Variants in ADAM22 observed in about 807,000 individuals in gnomAD.
The protein encoded by ADAM22 is ADAM metallopeptidase domain 22.
Under a neutral mutation model 144.6 loss-of-function variants are expected in ADAM22, and 65 were observed. That is an observed-to-expected ratio of 0.45 (90% confidence interval 0.37 to 0.55). The LOEUF is 0.55. Ranked by LOEUF, ADAM22 falls within the 20% of genes least tolerant of loss-of-function variation. The pLI is 0.00. For missense variants in ADAM22, 974 were observed against 1,184.9 expected, an observed-to-expected ratio of 0.82 and a Z score of 2.61; for synonymous variants, 391 against 412.6, an observed-to-expected ratio of 0.95 and a Z score of 0.63.
At chr7:88,079,737 A>G (rs1185179679) in intron 4 of ADAM22, among the ~76,000 whole-genome samples, 2 of 152,204 alleles carry the variant, frequency 1.3e-5, no homozygotes, top group Non-Finnish European at 2.9e-5. Context: ...ACAAAGATCA[A>G]AAGAGACAAA....
chr7:88,137,864 AT>A (rs2129507446), intron 14 of ADAM22, among the ~76,000 whole-genome samples: 1 of 152,200 alleles, frequency 6.6e-6, no homozygotes, highest in South Asian at 2.1e-4. Context: ...TGTTTAAAAT[AT>A]TTTTCCAGCC....
intron 3 of ADAM22, among the ~76,000 whole-genome samples, chr7:88,034,238 G>T (rs776667174): frequency 7.2e-5 from 11 of 152,118 alleles, no homozygotes; most frequent in Admixed American, 2.0e-4. Context: ...GGGCCCAAAG[G>T]CTCTATATTT....
chr7:88,122,798 C>A (rs1255402668), intron 7 of ADAM22, among the ~76,000 whole-genome samples: 1 of 152,168 alleles, frequency 6.6e-6, no homozygotes, highest in East Asian at 1.9e-4. Context: ...TTCTGCTGGG[C>A]AAATGTTGAC....
At chr7:87,961,384 G>A (rs1847962710) in intron 2 of ADAM22, among the ~76,000 whole-genome samples, 1 of 152,128 alleles carries the variant, frequency 6.6e-6, no homozygotes, top group African/African-American at 2.4e-5. Context: ...TGGTATTTTT[G>A]GTTTCATCCT....
At chr7:87,957,493 C>T (rs543087856) in intron 2 of ADAM22, among the ~76,000 whole-genome samples, 1 of 152,162 alleles carries the variant, frequency 6.6e-6, no homozygotes, top group Non-Finnish European at 1.5e-5. Flanking sequence ...AGATGATGCT[C>T]TCTTGCCCTT....
intron 2 of ADAM22, among the ~76,000 whole-genome samples, chr7:87,942,357 T>A (rs1842642621): frequency 6.6e-6 from 1 of 152,196 alleles, no homozygotes; most frequent in African/African-American, 2.4e-5. Context: ...AAATCATGTG[T>A]GACAGGTAAT....
intron 15 of ADAM22, among the ~76,000 whole-genome samples, chr7:88,143,977 A>G (rs935987909): frequency 6.6e-6 from 1 of 152,242 alleles, no homozygotes; most frequent in African/African-American, 2.4e-5. Flanking sequence ...AAAATAATTG[A>G]TTATTATAAA....
At chr7:88,040,014 A>G (rs1027949549) in intron 3 of ADAM22, among the ~76,000 whole-genome samples, 2 of 151,926 alleles carry the variant, frequency 1.3e-5, no homozygotes, top group African/African-American at 4.8e-5. Flanking sequence ...ATTTCTGTAG[A>G]TATTTGCTAA....
At chr7:88,037,693 GA>G (rs1393951994) in intron 3 of ADAM22, among the ~76,000 whole-genome samples, 1 of 151,884 alleles carries the variant, frequency 6.6e-6, no homozygotes, top group African/African-American at 2.4e-5. Flanking sequence ...GGTCAATGAA[GA>G]ATGATGTTTG....
intron 3 of ADAM22, among the ~76,000 whole-genome samples, chr7:87,982,068 T>TACACACACACACACAC (rs1175758724): frequency 1.1e-5 from 1 of 93,720 alleles, no homozygotes; most frequent in African/African-American, 4.6e-5. Flanking sequence ...TATATATATA[T>TACACACACACACACAC]ACACACACAC....
intron 2 of ADAM22, among the ~76,000 whole-genome samples, chr7:87,977,864 A>G (rs1417384311): frequency 2.0e-5 from 3 of 152,210 alleles, no homozygotes; most frequent in Non-Finnish European, 4.4e-5. Context: ...TATAAAGGAA[A>G]TACTATTTTT....
At chr7:88,105,879 G>A (rs1376865168) in intron 4 of ADAM22, among the ~76,000 whole-genome samples, 1 of 152,144 alleles carries the variant, frequency 6.6e-6, no homozygotes, top group African/African-American at 2.4e-5. Context: ...AATTATAATA[G>A]CAGCAAACAC....
chr7:88,039,464 A>AAAAAAAAAAAAATATAT, intron 3 of ADAM22, among the ~76,000 whole-genome samples: 3 of 76,404 alleles, frequency 3.9e-5, no homozygotes, highest in Non-Finnish European at 8.1e-5. Flanking sequence ...AAAAAAAAAA[A>AAAAAAAAAAAAATATAT]ATATATATAT....
intron 2 of ADAM22, among the ~76,000 whole-genome samples, chr7:87,948,654 C>G (rs898011597): frequency 1.3e-5 from 2 of 152,082 alleles, no homozygotes; most frequent in African/African-American, 4.8e-5. Flanking sequence ...TACATTGCTA[C>G]AGGATTCATA....
chr7:87,959,487 G>A (rs148012147), intron 2 of ADAM22, among the ~76,000 whole-genome samples: 182 of 152,202 alleles, frequency 1.2e-3, no homozygotes, highest in African/African-American at 4.2e-3. Context: ...TTGTATCAAA[G>A]TCTCCAGGAT....
rs117567588 is a variant in ADAM22 at position 88,045,307 on chromosome 7, C to T, written c.324-30319C>T. On this transcript the variant is annotated intron_variant, in intron 3 of 31. Coordinates refer to ENST00000413139, the MANE Select transcript of ADAM22 (RefSeq NM_001324418.2). ...TGCTGGGATTATAGGCTTGAGCCAC[C>T]GCACCAGGCCTAATAGAGACATTTC... Among the ~76,000 whole-genome samples, 1,477 of 152,204 alleles carry T rather than the reference C, an allele frequency of 9.7e-3. 13 individuals carry two copies. Among genetic ancestry groups the T allele is most frequent in the Admixed American group, 0.021 (321 of 15,294 alleles).
rs1839788575 is a variant in ADAM22 at position 88,155,790 on chromosome 7, A to T, written c.1788-97A>T. 14 of 1,442,102 alleles carry T rather than the reference A, an allele frequency of 9.7e-6. No individual in the cohort carries two copies. The Admixed American group carries it at 3.1e-4, about 32-fold the overall frequency. 89.3% of individuals were successfully genotyped at this position (1,442,102 alleles called of 1,614,324 possible). On this transcript the variant is annotated intron_variant, in intron 21 of 31. Transcript: ENST00000413139. ...GGCATATGAGTAGATAATATACTTG[A>T]TGAAAACCAAATGCTAAAATGAGAG...
intron 2 of ADAM22, among the ~76,000 whole-genome samples, chr7:87,938,088 A>G (rs775021926): frequency 6.6e-5 from 10 of 151,608 alleles, no homozygotes; most frequent in South Asian, 2.1e-4. Context: ...TGGCATTTCT[A>G]GTTTCCCTAA....
At position 88,125,669 on chromosome 7, in the gene ADAM22, C is replaced by T; in HGVS notation, c.678+10C>T. ...AAGGAGTAAACGGCAGGTATGTATT[C>T]ACAGTGGTGTGTCGTGTTATTTTAA... On this transcript the variant is annotated intron_variant, in intron 8 of 31. Coordinates refer to ENST00000413139, the MANE Select transcript of ADAM22 (RefSeq NM_001324418.2). 1.9e-6 allele frequency: 3 copies of T among 1,578,332 alleles called. No individual in the cohort carries two copies. Among genetic ancestry groups the T allele is most frequent in the Middle Eastern group, 3.3e-4 (2 of 5,972 alleles).
Sources: allele counts gnomAD v4.1 joint callset (sites outside exome capture counted in the v4.1 genomes callset), GRCh38; gene constraint gnomAD v4.1.1; transcripts MANE v1.5; gene names NCBI Gene and HGNC (gene_info 2026-07-23, HGNC 2026-07-21).